The following ZNF516 variants were observed in gnomAD, a reference collection of about 807,000 sequenced individuals.
The protein encoded by ZNF516 is zinc finger protein 516.
A neutral mutation model predicts 79.7 loss-of-function variants in ZNF516; 19 were observed. The ratio of observed to expected loss-of-function variants is 0.24; its 90% confidence interval spans 0.17 to 0.35. The LOEUF (loss-of-function observed/expected upper bound fraction) is 0.35, where lower values mean the gene tolerates loss of function less well. ZNF516 is among the 10% of genes least tolerant of loss of function. ZNF516 has a pLI of 1.00. For synonymous variants in ZNF516, 877 were observed against 739.5 expected (o/e 1.19, Z -3.02); for missense variants, 1,678 against 1,679.5 (o/e 1.00, Z 0.02).
intron 1 of ZNF516, among the ~76,000 whole-genome samples, chr18:76,478,112 A>C (rs1954432780): frequency 6.6e-6 from 1 of 152,232 alleles, no homozygotes; most frequent in Non-Finnish European, 1.5e-5. Context: ...AAAGTGTACT[A>C]ACTTCTACTC....
chr18:76,491,684 G>T, intron 1 of ZNF516: 1 of 294,466 alleles, frequency 3.4e-6, no homozygotes, highest in Non-Finnish European at 4.9e-6. Context: ...ACCCCGGGGC[G>T]GGCAGGTGAG....
In ZNF516 at chr18:76,442,484, G is replaced by C; in HGVS notation, c.571C>G (p.Leu191Val). The C allele has an allele frequency of 1.2e-6, 2 of 1,603,586 alleles. No individual in the cohort carries two copies. The highest frequency in any genetic ancestry group is 1.7e-6 in the Non-Finnish European group (2 of 1,179,644). ...SQFERKKDLE[L>V]HVHQAHKPFK... is the part of the protein sequence containing the mutation. ...GGCTTGTGCGCCTGGTGCACGTGCA[G>C]CTCCAGGTCCTTCTTACGCTCGAAC... Residue 191 changes from leucine (L) to valine (V), a missense_variant, in exon 3 of 7, where the codon CTG becomes GTG. By Grantham distance (32) the Leu-to-Val change is conservative. This residue lies in a region of ZNF516 where 279 missense variants were observed against 254.1 expected (regional missense o/e 1.10). Transcript: ENST00000443185.
At chr18:76,476,148 A>G (rs751260949) in intron 1 of ZNF516, among the ~76,000 whole-genome samples, 11 of 152,210 alleles carry the variant, frequency 7.2e-5, no homozygotes, top group Non-Finnish European at 1.5e-4. Context: ...TGTTGCCCTA[A>G]GTATTTGGCT....
chr18:76,492,178 G>A (rs1276301094), intron 1 of ZNF516: 2 of 985,294 alleles, frequency 2.0e-6, no homozygotes, highest in Admixed American at 6.1e-5. Flanking sequence ...GGGTACAGAA[G>A]CGCAGCAACC....
rs758011370 is a variant in ZNF516 at position 76,442,617 on chromosome 18, G to A, written c.438C>T (p.Ala146=). The stretch of plus-strand genomic sequence containing the variant: ...TCCGCAGCAGGACTCTGCCGCTGTC[G>A]GCCTGCGAGGCCCCGTTCAGGACCC... ...GARVLNGASQ[A]DSGRVLLRSS... is the part of the protein sequence containing the mutation. The change falls in exon 3 of 7, where the codon GCC becomes GCT. Residue 146 remains alanine, a synonymous_variant. Coordinates refer to ENST00000443185, the MANE Select transcript of ZNF516 (RefSeq NM_014643.4). 14 of 1,596,008 alleles carry A rather than the reference G, an allele frequency of 8.8e-6. No homozygotes were observed. The highest frequency in any genetic ancestry group is 4.5e-5 in the East Asian group (2 of 44,736).
intron 1 of ZNF516, among the ~76,000 whole-genome samples, chr18:76,463,789 G>T (rs1913274379): frequency 6.6e-6 from 1 of 152,214 alleles, no homozygotes; most frequent in Admixed American, 6.5e-5. Context: ...CACTAGACTT[G>T]AAAGTCATTC....
Position 76,442,943 on chromosome 18 carries a change from T to G in ZNF516, c.112A>C (p.Ile38Leu). The change falls in exon 3 of 7, where the codon ATC becomes CTC. Residue 38 changes from isoleucine (I) to leucine (L), a missense_variant. Ile to Leu is a conservative substitution (Grantham distance 5, BLOSUM62 2). Transcript: ENST00000443185. ...GDKATCHTCCICGKSFPFQSS... is the reference protein window; with the variant it reads ...GDKATCHTCCLCGKSFPFQSS... ...TGGAAGGGGAAGCTCTTGCCGCAGA[T>G]GCAGCAGGTGTGGCAGGTAGCCTTG... The G allele has an allele frequency of 6.2e-7, 1 of 1,610,790 alleles. No individual in the cohort carries two copies. Among genetic ancestry groups the G allele is most frequent in the East Asian group, 2.2e-5 (1 of 44,876 alleles).
At chr18:76,409,710 T>C (rs535557514) in intron 3 of ZNF516, among the ~76,000 whole-genome samples, 74 of 152,330 alleles carry the variant, frequency 4.9e-4, no homozygotes, top group Non-Finnish European at 3.7e-4. Flanking sequence ...TCCCTGTAGC[T>C]GGAGATGGTG....
intron 3 of ZNF516, among the ~76,000 whole-genome samples, chr18:76,433,748 A>G (rs893470154): frequency 2.0e-5 from 3 of 152,218 alleles, no homozygotes; most frequent in African/African-American, 4.8e-5. Context: ...CCTAGTGAAG[A>G]ATCGAGAAAG....
chr18:76,384,447 A>C (rs1355681747), intron 3 of ZNF516, among the ~76,000 whole-genome samples: 3 of 78,976 alleles, frequency 3.8e-5, no homozygotes, highest in Non-Finnish European at 7.4e-5. Context: ...CGCCCCGTCC[A>C]CGCCCCCCAC....
intron 3 of ZNF516, among the ~76,000 whole-genome samples, chr18:76,405,298 A>C (rs1199613282): frequency 6.6e-6 from 1 of 152,126 alleles, no homozygotes; most frequent in Non-Finnish European, 1.5e-5. Flanking sequence ...GTGCAATCAT[A>C]GCTCACTGCG....
At chr18:76,471,253 C>CG (rs34188445) in intron 1 of ZNF516, among the ~76,000 whole-genome samples, 1 of 148,292 alleles carries the variant, frequency 6.7e-6, no homozygotes, top group Non-Finnish European at 1.5e-5. Context: ...ATCCTCCACA[C>CG]GGAAAAAAAA....
chr18:76,458,551 G>A (rs1017870467), intron 2 of ZNF516, among the ~76,000 whole-genome samples: 61 of 152,246 alleles, frequency 4.0e-4, no homozygotes, highest in Admixed American at 3.9e-3. Flanking sequence ...TCCCTGAGAG[G>A]ACCAAGGGCA....
chr18:76,484,259 C>T (rs540064182), intron 1 of ZNF516, among the ~76,000 whole-genome samples: 1 of 152,348 alleles, frequency 6.6e-6, no homozygotes, highest in Non-Finnish European at 1.5e-5. Context: ...AATCTTTCTG[C>T]ATTTCAGTAC....
intron 1 of ZNF516, among the ~76,000 whole-genome samples, chr18:76,479,692 G>A (rs1370622503): frequency 6.6e-6 from 1 of 152,254 alleles, no homozygotes; most frequent in Admixed American, 6.5e-5. Flanking sequence ...GGAGACCTGG[G>A]TGCAGGGAAC....
At chr18:76,440,741 T>TG (rs1568293193) in intron 3 of ZNF516, among the ~76,000 whole-genome samples, 95 of 52,348 alleles carry the variant, frequency 1.8e-3, no homozygotes, top group Admixed American at 6.3e-3. Flanking sequence ...TGTGTGTGTG[T>TG]TTGTGTGTGT....
At chr18:76,434,618 T>C (rs1388169362) in intron 3 of ZNF516, among the ~76,000 whole-genome samples, 1 of 152,234 alleles carries the variant, frequency 6.6e-6, no homozygotes, top group East Asian at 1.9e-4. Flanking sequence ...ACCACGGCTG[T>C]GGCTGTGGGA....
Position 76,371,000 on chromosome 18 carries a change from G to A in ZNF516, c.3365-405C>T, listed in dbSNP as rs566846238. Among the ~76,000 whole-genome samples, 8 of 152,254 alleles carry A rather than the reference G, an allele frequency of 5.3e-5. 1 individual carries two copies. The East Asian group carries it at 1.4e-3, about 26-fold the overall frequency. On this transcript the variant is annotated intron_variant, in intron 5 of 6. Transcript: ENST00000443185. The stretch of plus-strand genomic sequence containing the variant: ...GCGCTGTCCTGACAGTTTCCAGCCC[G>A]ATCGGGTGCAAGCTCTCTACATAAG...
rs576387543 is a variant in ZNF516, at chr18:76,435,523, C to T, written c.1810+5722G>A. Among the ~76,000 whole-genome samples the T allele has an allele frequency of 4.6e-5, 7 of 152,318 alleles. No individual in the cohort carries two copies. The East Asian group carries it at 7.7e-4, about 17-fold the overall frequency. ...ACCGTCGTGTTCATGTGTGCGGGAG[C>T]GCGGATTAAGAGTGGGCTCCGGTTG... On this transcript the variant is annotated intron_variant, in intron 3 of 6. Transcript: ENST00000443185.
Sources: allele counts gnomAD v4.1 joint callset (sites outside exome capture counted in the v4.1 genomes callset), GRCh38; gene constraint gnomAD v4.1.1; regional missense constraint gnomAD v4.1.1; transcripts MANE v1.5; gene names NCBI Gene and HGNC (gene_info 2026-07-23, HGNC 2026-07-21).